RARRES1: variants seen among roughly 807,000 people sequenced by gnomAD.
RARRES1 encodes the protein retinoic acid receptor responder 1, also known as retinoic acid receptor responder protein 1.
Under a neutral mutation model 30.6 loss-of-function variants are expected in RARRES1, and 34 were observed. The ratio of observed to expected loss-of-function variants is 1.11; its 90% CI spans 0.84 to 1.48. The LOEUF is 1.48. Ranked by LOEUF, RARRES1 falls within the 40% of genes most tolerant of loss-of-function variation. The pLI, the probability that RARRES1 is intolerant of heterozygous loss-of-function variation, is 0.00. For missense variants in RARRES1, 373 were observed against 386.5 expected, an observed-to-expected ratio of 0.97 and a Z score of 0.29; for synonymous variants, 153 against 155.5, an observed-to-expected ratio of 0.98 and a Z score of 0.12.
At chr3:158,720,746 G>A (rs1424835574) in intron 1 of RARRES1, among the ~76,000 whole-genome samples, 1 of 151,968 alleles carries the variant, frequency 6.6e-6, no homozygotes, top group African/African-American at 2.4e-5. Flanking sequence ...GGGATTCTCC[G>A]GGCCGCCTTT....
In RARRES1 at chr3:158,705,000, A is replaced by C. The variant is rs546431412; in HGVS notation, c.536-73T>G. The C allele has an allele frequency of 5.8e-6, 9 of 1,552,414 alleles. No homozygotes were observed. In the East Asian group the frequency reaches 2.0e-4, roughly 35 times the overall value. ...AAAATCTCAGAAGTTGCAGAAATGA[A>C]ATAGGGTTTAAACTTAGTCATACCA... On this transcript the variant is annotated intron_variant, in intron 3 of 5. Transcript: ENST00000237696.
At chr3:158,720,329 A>G (rs1430128483) in intron 1 of RARRES1, among the ~76,000 whole-genome samples, 1 of 149,824 alleles carries the variant, frequency 6.7e-6, no homozygotes, top group Non-Finnish European at 1.5e-5. Flanking sequence ...GCTTGTAACC[A>G]AGGTCCCTGT....
chr3:158,711,472 C>T (rs1727132569), intron 2 of RARRES1, among the ~76,000 whole-genome samples: 1 of 152,170 alleles, frequency 6.6e-6, no homozygotes, highest in South Asian at 2.1e-4. Context: ...AACACCGAAG[C>T]CCAGGCTCTC....
At chr3:158,714,227 G>A (rs1347568885) in intron 1 of RARRES1, among the ~76,000 whole-genome samples, 2 of 152,178 alleles carry the variant, frequency 1.3e-5, no homozygotes, top group African/African-American at 4.8e-5. Context: ...CCACATCAGC[G>A]AGCAGGACTG....
intron 1 of RARRES1, among the ~76,000 whole-genome samples, chr3:158,725,670 T>TAA (rs755955944): frequency 6.6e-6 from 1 of 151,844 alleles, no homozygotes; most frequent in African/African-American, 2.4e-5. Flanking sequence ...TATAAAATGG[T>TAA]AAAAAAAACA....
In RARRES1 at chr3:158,723,389, A is replaced by G. The variant is rs183534596; in HGVS notation, c.276+8751T>C. On this transcript the variant is annotated intron_variant, in intron 1 of 5. Transcript: ENST00000237696. This position sits in a 1 kb window ranked among gnomAD's most constrained non-coding sequence, Gnocchi z 4.4. The stretch of plus-strand genomic sequence containing the variant: ...AGATAAGTAAACAACTCATTTGTGC[A>G]TAGAAATTGCTGTGCTATCCTTATG... Among the ~76,000 whole-genome samples, 3 of 152,372 alleles carry G rather than the reference A, an allele frequency of 2.0e-5. No individual in the cohort carries two copies. Among genetic ancestry groups the G allele is most frequent in the Non-Finnish European group, 2.9e-5 (2 of 68,036 alleles).
chr3:158,704,611 C>T, intron 4 of RARRES1, 180 bp downstream of exon 4: 1 of 986,454 alleles, frequency 1.0e-6, no homozygotes, highest in South Asian at 2.4e-5. Context: ...TGTCTTTGTT[C>T]ACGACTGTAT....
chr3:158,724,750 T>G (rs983154964), intron 1 of RARRES1, among the ~76,000 whole-genome samples: 6 of 152,246 alleles, frequency 3.9e-5, no homozygotes, highest in African/African-American at 1.2e-4. Context: ...TAATGTCATG[T>G]TCTGTGTGGG....
rs540590606 is a variant in RARRES1, at chr3:158,722,032, G to A, written c.277-8173C>T. Among the ~76,000 whole-genome samples the A allele has an allele frequency of 1.4e-4, 20 of 146,160 alleles. 1 individual carries two copies. The Middle Eastern group carries it at 0.011, about 83-fold the overall frequency. On this transcript the variant is annotated intron_variant, in intron 1 of 5. Coordinates refer to ENST00000237696, the MANE Select transcript of RARRES1 (RefSeq NM_206963.2). ...CTTGAATCCAGGAGGTGGAGTTTGC[G>A]GGTGAGCCGAGATGGCATAATTGCA...
Position 158,714,169 on chromosome 3 carries a change from T to A in RARRES1, c.277-310A>T, listed in dbSNP as rs529554224. On this transcript the variant is annotated intron_variant, in intron 1 of 5. Coordinates refer to ENST00000237696, the MANE Select transcript of RARRES1 (RefSeq NM_206963.2). The stretch of plus-strand genomic sequence containing the variant: ...GAGTGTGCAGGGAGCTGGAGGGAAT[T>A]CCTTCATCCCCAACTCCTCAGTGCC... 1.8e-4 allele frequency among the ~76,000 whole-genome samples: 27 copies of A among 152,262 alleles called. No individual in the cohort carries two copies. The East Asian group carries it at 5.0e-3, about 28-fold the overall frequency.
intron 1 of RARRES1, among the ~76,000 whole-genome samples, chr3:158,718,607 A>C (rs1228067799): frequency 6.6e-6 from 1 of 152,184 alleles, no homozygotes; most frequent in African/African-American, 2.4e-5. Flanking sequence ...AATCAAGCTT[A>C]TGTGTGAATG....
At chr3:158,706,775 A>C (rs1264946574) in intron 3 of RARRES1, among the ~76,000 whole-genome samples, 1 of 152,240 alleles carries the variant, frequency 6.6e-6, no homozygotes, top group Non-Finnish European at 1.5e-5. Flanking sequence ...CATTAAATGT[A>C]GGACAGAAAG....
intron 4 of RARRES1, among the ~76,000 whole-genome samples, chr3:158,699,869 A>C (rs1726669381): frequency 6.6e-6 from 1 of 152,080 alleles, no homozygotes; most frequent in Non-Finnish European, 1.5e-5. Flanking sequence ...TGTCGCTTTG[A>C]GGGTGTGTTT....
At chr3:158,709,338 C>T (rs994099830) in intron 3 of RARRES1, among the ~76,000 whole-genome samples, 2 of 152,128 alleles carry the variant, frequency 1.3e-5, no homozygotes, top group African/African-American at 2.4e-5. Flanking sequence ...ACAGATAAGC[C>T]CTATTTTCCC....
Position 158,732,221 on chromosome 3 carries a change from C to G in RARRES1, c.195G>C (p.Ala65=). 2.1e-6 allele frequency: 3 copies of G among 1,405,152 alleles called. No homozygotes were observed. The highest frequency in any genetic ancestry group is 2.8e-6 in the Non-Finnish European group (3 of 1,086,414). 87.0% of individuals were successfully genotyped at this position (1,405,152 alleles called of 1,614,324 possible). ...PRRLLQQAAR[A]ALHFFNFRSG... is the part of the protein sequence containing the mutation. ...ACCGGAAGTTGAAGAAGTGAAGCGCCGCGCGCGCCGCCTGCTGCAGGAGCC... is the reference window on the plus strand; with the variant it reads ...ACCGGAAGTTGAAGAAGTGAAGCGCGGCGCGCGCCGCCTGCTGCAGGAGCC... Residue 65 remains alanine, a synonymous_variant, in exon 1 of 6, where the codon GCG becomes GCC. Transcript: ENST00000237696.
intron 1 of RARRES1, among the ~76,000 whole-genome samples, chr3:158,719,129 T>C (rs1397346822): frequency 6.6e-6 from 1 of 152,156 alleles, no homozygotes. Context: ...AATGACCATA[T>C]GACTGTATAA....
rs759779920 is a variant in RARRES1, at chr3:158,710,732, T to C, written c.535+6A>G. ...GAATATAGAAATTCCAAATGCTGAT[T>C]CATACCAGGTATGCTGACTATTTCC... On this transcript the variant is annotated splice_donor_region_variant and intron_variant, in intron 3 of 5. Transcript: ENST00000237696. 2 of 1,585,876 alleles carry C rather than the reference T, an allele frequency of 1.3e-6. No individual in the cohort carries two copies. Among genetic ancestry groups the C allele is most frequent in the South Asian group, 2.2e-5 (2 of 90,148 alleles).
intron 1 of RARRES1, among the ~76,000 whole-genome samples, chr3:158,720,248 G>A (rs1361333120): frequency 7.1e-6 from 1 of 140,214 alleles, no homozygotes; most frequent in African/African-American, 2.8e-5. Context: ...GTGTGTGTGT[G>A]TGTGTGTGTG....
chr3:158,717,070 C>A (rs1313442951), intron 1 of RARRES1, among the ~76,000 whole-genome samples: 1 of 152,240 alleles, frequency 6.6e-6, no homozygotes, highest in Non-Finnish European at 1.5e-5. Context: ...CAGCCACAGG[C>A]CTGTGTGTGG....
Sources: allele counts gnomAD v4.1 joint callset (sites outside exome capture counted in the v4.1 genomes callset), GRCh38; gene constraint gnomAD v4.1.1; non-coding constraint Gnocchi (gnomAD v3.1); transcripts MANE v1.5; gene names NCBI Gene and HGNC (gene_info 2026-07-23, HGNC 2026-07-21).